The following BICDL1 variants were observed in gnomAD, a reference collection of about 807,000 sequenced individuals.
The protein encoded by BICDL1 is BICD family-like cargo adapter 1.
Under a neutral mutation model 76.8 loss-of-function variants are expected in BICDL1, and 20 were observed. That is an observed-to-expected ratio of 0.26 (90% CI 0.18 to 0.38). The LOEUF (loss-of-function observed/expected upper bound fraction) is 0.38. Among genes scored for constraint, BICDL1 ranks in the 10% least tolerant of loss-of-function variants. The pLI, the probability that BICDL1 is intolerant of heterozygous loss-of-function variation, is 1.00. For synonymous variants in BICDL1, 383 were observed against 337.1 expected (o/e 1.14, Z -1.49); for missense variants, 700 against 798.6 (o/e 0.88, Z 1.49).
rs539090649 is a variant in BICDL1, at chr12:120,034,680, G to A, written c.646-27030G>A. ...AGAGTCTCACAATTCTGCATTCAAG[G>A]TGTTGGCCAGGCCAGGTTCTCATCT... is the stretch of plus-strand genomic sequence containing the variant. On this transcript the variant is annotated intron_variant, in intron 2 of 9. Coordinates refer to ENST00000548673, the MANE Select transcript of BICDL1 (RefSeq NM_001367886.1). Among the ~76,000 whole-genome samples the A allele has an allele frequency of 2.0e-5, 3 of 152,308 alleles. No individual in the cohort carries two copies. The South Asian group carries it at 6.2e-4, about 32-fold the overall frequency.
chr12:120,051,397 T>C (rs775987338), intron 2 of BICDL1, among the ~76,000 whole-genome samples: 2 of 152,212 alleles, frequency 1.3e-5, no homozygotes, highest in Non-Finnish European at 2.9e-5. Context: ...AGCGTTGTCT[T>C]ATAGTCTATA....
intron 1 of BICDL1, chr12:119,992,462 A>C (rs1951544436): frequency 6.6e-6 from 1 of 152,258 alleles, no homozygotes; most frequent in Non-Finnish European, 1.5e-5. Flanking sequence ...GGAGTGGCTG[A>C]TCATGGCTTA....
chr12:120,024,716 C>G (rs1772412896), intron 2 of BICDL1, among the ~76,000 whole-genome samples: 1 of 152,122 alleles, frequency 6.6e-6, no homozygotes, highest in Non-Finnish European at 1.5e-5. Flanking sequence ...TTAACAGAGT[C>G]TCACTCCATT....
intron 2 of BICDL1, 131 bp from the exon 3 acceptor site, chr12:120,061,579 A>G: frequency 1.4e-6 from 1 of 715,988 alleles, no homozygotes; most frequent in South Asian, 1.6e-5. Flanking sequence ...TGGATGGGAA[A>G]CCAGCATCTC....
rs1345637231 is a variant in BICDL1, at chr12:120,094,353, G to T, written c.*1192G>T. 2.2e-6 allele frequency: 1 copy of T among 452,298 alleles called. No individual in the cohort carries two copies. Among genetic ancestry groups the T allele is most frequent in the Non-Finnish European group, 4.5e-6 (1 of 224,344 alleles). 28.0% of individuals were successfully genotyped at this position (452,298 alleles called of 1,614,324 possible). Reference sequence around the variant, plus strand: ...GTACATACCACAGTGCTGTAATTTTGTATGTAGCAATCATGTAAATACATG... The same window carrying T: ...GTACATACCACAGTGCTGTAATTTTTTATGTAGCAATCATGTAAATACATG... On this transcript the variant is annotated 3_prime_UTR_variant, in exon 10 of 10. Transcript: ENST00000548673.
chr12:120,043,058 A>G (rs1952675469), intron 2 of BICDL1, among the ~76,000 whole-genome samples: 1 of 152,142 alleles, frequency 6.6e-6, no homozygotes, highest in Non-Finnish European at 1.5e-5. Context: ...TAGCTAAGTG[A>G]CCTCAATTAT....
At chr12:120,005,907 A>G (rs976875532) in intron 2 of BICDL1, among the ~76,000 whole-genome samples, 3 of 152,178 alleles carry the variant, frequency 2.0e-5, no homozygotes, top group African/African-American at 7.2e-5. Context: ...TGCACTCTTC[A>G]CATTTTTCTA....
intron 1 of BICDL1, among the ~76,000 whole-genome samples, chr12:119,995,095 T>G (rs1951612411): frequency 6.6e-6 from 1 of 152,192 alleles, no homozygotes. Context: ...TTTGATGACC[T>G]TGACAATTTT....
intron 2 of BICDL1, among the ~76,000 whole-genome samples, chr12:120,021,657 T>C (rs1360430287): frequency 6.7e-6 from 1 of 149,260 alleles, no homozygotes; most frequent in African/African-American, 2.5e-5. Context: ...CCCAGCACTT[T>C]GGGAGGCTGA....
At chr12:120,037,307 A>G (rs1388169709) in intron 2 of BICDL1, among the ~76,000 whole-genome samples, 1 of 152,142 alleles carries the variant, frequency 6.6e-6, no homozygotes, top group African/African-American at 2.4e-5. Flanking sequence ...TCTCACCTAG[A>G]GATCTGAGGA....
At chr12:120,023,725 G>T (rs1199498312) in intron 2 of BICDL1, among the ~76,000 whole-genome samples, 2 of 151,872 alleles carry the variant, frequency 1.3e-5, no homozygotes, top group African/African-American at 4.8e-5. Context: ...GGGAGGCAGA[G>T]GTTGCAGTGA....
intron 7 of BICDL1, 25 bp downstream of exon 7, chr12:120,074,611 G>A: frequency 1.8e-6 from 2 of 1,129,708 alleles, no homozygotes; most frequent in South Asian, 3.7e-5. Context: ...CTTCAGTTCA[G>A]TGCAGGGCAT....
chr12:120,065,804 T>C (rs1376681255), intron 4 of BICDL1, among the ~76,000 whole-genome samples: 2 of 152,210 alleles, frequency 1.3e-5, no homozygotes, highest in East Asian at 3.9e-4. Flanking sequence ...TTGAAAGCCT[T>C]GGGGTATGGG....
chr12:120,081,056 TTGAG>T (rs1300721893), intron 8 of BICDL1, 39 bp downstream of exon 8: 2 of 1,601,682 alleles, frequency 1.2e-6, no homozygotes, highest in Admixed American at 3.4e-5. Context: ...TAAGATAAAG[TTGAG>T]TATATAGAAT....
chr12:119,989,298 A>G lies in BICDL1; in HGVS notation c.-571A>G. Among the ~76,000 whole-genome samples, 1 of 150,516 alleles carries G rather than the reference A, an allele frequency of 6.6e-6. No homozygotes were observed. The highest frequency in any genetic ancestry group is 2.0e-4 in the East Asian group (1 of 5,052). On this transcript the variant is annotated 5_prime_UTR_variant, in exon 1 of 10. Transcript: ENST00000548673. ...GAGCCGCCGCCTCGGCCCCTGCAGC[A>G]GCAGCAGCCGCCGTCGCCGCCGCTG...
chr12:120,015,141 CAGTGGGAAGGGAAA>C (rs1952034578), intron 2 of BICDL1, among the ~76,000 whole-genome samples: 1 of 152,150 alleles, frequency 6.6e-6, no homozygotes, highest in Non-Finnish European at 1.5e-5. Flanking sequence ...TTCCCACTTG[CAGTGGGAAGGGAAA>C]GCTTGTTGAA....
intron 2 of BICDL1, among the ~76,000 whole-genome samples, chr12:120,032,327 T>A (rs979444224): frequency 6.6e-6 from 1 of 152,218 alleles, no homozygotes; most frequent in African/African-American, 2.4e-5. Context: ...GGGAGATTTT[T>A]AAAAATTTTT....
intron 9 of BICDL1, 160 bp downstream of exon 9, chr12:120,090,231 A>G (rs1008234727): frequency 3.8e-6 from 3 of 790,386 alleles, no homozygotes; most frequent in Non-Finnish European, 3.9e-6. Context: ...CATGTCCCCT[A>G]GTCCTTGGGG....
chr12:120,021,139 C>T (rs1211220734), intron 2 of BICDL1, among the ~76,000 whole-genome samples: 1 of 151,870 alleles, frequency 6.6e-6, no homozygotes, highest in Non-Finnish European at 1.5e-5. Context: ...AAAAAATTAG[C>T]CAGGTGTGGT....
Sources: allele counts gnomAD v4.1 joint callset (sites outside exome capture counted in the v4.1 genomes callset), GRCh38; gene constraint gnomAD v4.1.1; transcripts MANE v1.5; gene names NCBI Gene and HGNC (gene_info 2026-07-23, HGNC 2026-07-21).